INO80: variants seen among roughly 807,000 people sequenced by gnomAD.
INO80 encodes the protein chromatin-remodeling ATPase INO80.
INO80 carries 20 observed loss-of-function variants against 203.4 expected under a neutral mutation model. The ratio of observed to expected loss-of-function variants is 0.10; its 90% CI spans 0.07 to 0.14. The LOEUF is 0.14. Among genes scored for constraint, INO80 ranks in the 10% least tolerant of loss-of-function variants. INO80 has a pLI of 1.00. For missense variants in INO80, 1,419 were observed against 1,914.4 expected (o/e 0.74, Z 4.83); for synonymous variants, 726 against 685.2 (o/e 1.06, Z -0.93).
At chr15:41,031,392 AAG>A (rs2044459739) in intron 24 of INO80, among the ~76,000 whole-genome samples, 1 of 149,258 alleles carries the variant, frequency 6.7e-6, no homozygotes, top group South Asian at 2.2e-4. Context: ...TCATGAAAGA[AAG>A]AAAGAAGAAA....
chr15:41,062,285 T>A (rs1162233652), intron 14 of INO80, among the ~76,000 whole-genome samples: 1 of 151,950 alleles, frequency 6.6e-6, no homozygotes, highest in Non-Finnish European at 1.5e-5. Context: ...AGAAGGCAAG[T>A]TTTTCCCCCA....
Position 41,050,116 on chromosome 15 carries a change from A to C in INO80, c.2275-14T>G. On this transcript the variant is annotated splice_polypyrimidine_tract_variant and intron_variant, in intron 19 of 35. Transcript: ENST00000648947. ...TAGAATCTCAATCTAAAAATCAATA[A>C]GAACATTTATATTTGGAAAAGTAGT... The C allele has an allele frequency of 6.3e-7, 1 of 1,583,376 alleles. No homozygotes were observed. Among genetic ancestry groups the C allele is most frequent in the Non-Finnish European group, 8.6e-7 (1 of 1,157,334 alleles).
Position 40,982,891 on chromosome 15 carries a change from T to C in INO80, c.4424A>G (p.Tyr1475Cys), listed in dbSNP as rs377364363. 15 of 1,613,620 alleles carry C rather than the reference T, an allele frequency of 9.3e-6. No individual in the cohort carries two copies. Among genetic ancestry groups the C allele is most frequent in the African/African-American group, 4.0e-5 (3 of 74,936 alleles). ...AGAAAASAAA[Y>C]AAYGYNVSKG... ...AGACACGTTGTACCCGTATGCGGCA[T>C]AGGCAGCTGCAGAGGCCGCTGCAGC... is the stretch of plus-strand genomic sequence containing the variant. The change falls in exon 35 of 36, where the codon TAT becomes TGT. Residue 1475 changes from tyrosine (Y) to cysteine (C), a missense_variant. Physicochemically the swap from Tyr to Cys is radical, Grantham distance 194. Around this residue, in one of 9 missense-constraint regions of INO80, gnomAD observed 112 missense variants for 106.2 expected, o/e 1.05. Transcript: ENST00000648947.
chr15:40,988,259 C>T (rs2043768009), intron 29 of INO80, among the ~76,000 whole-genome samples: 1 of 151,990 alleles, frequency 6.6e-6, no homozygotes, highest in Non-Finnish European at 1.5e-5. Flanking sequence ...ATAACATTAA[C>T]GGTTAACACT....
chr15:40,980,758 G>C (rs1422414285), intron 35 of INO80, among the ~76,000 whole-genome samples: 1 of 152,170 alleles, frequency 6.6e-6, no homozygotes, highest in African/African-American at 2.4e-5. Flanking sequence ...CAAAGTTACA[G>C]GATGAGAGCT....
At chr15:41,099,920 A>G (rs2045782568) in intron 1 of INO80, among the ~76,000 whole-genome samples, 1 of 152,220 alleles carries the variant, frequency 6.6e-6, no homozygotes, top group African/African-American at 2.4e-5. Context: ...ATCTTGATAC[A>G]TGTATAAATG....
intron 9 of INO80, among the ~76,000 whole-genome samples, chr15:41,076,260 C>T (rs2045400554): frequency 6.6e-6 from 1 of 151,942 alleles, no homozygotes; most frequent in South Asian, 2.1e-4. Context: ...ACTTAGGAGG[C>T]TGAAGCAGGA....
chr15:41,018,795 A>T (rs2044247350), intron 26 of INO80: 1 of 152,204 alleles, frequency 6.6e-6, no homozygotes, highest in Non-Finnish European at 1.5e-5. Flanking sequence ...ACCTGTCGCT[A>T]AGCAGGATAC....
chr15:41,059,748 G>C, intron 15 of INO80, 119 bp downstream of exon 15: 2 of 600,904 alleles, frequency 3.3e-6, no homozygotes, highest in Non-Finnish European at 5.7e-6. Context: ...AACTTGATCA[G>C]TGTCCAGAAA....
intron 30 of INO80, 95 bp from the exon 31 acceptor site, chr15:40,987,288 C>A (rs918863101): frequency 2.9e-6 from 2 of 691,998 alleles, no homozygotes; most frequent in African/African-American, 3.6e-5. Flanking sequence ...ACCCACTCCT[C>A]AGGGGAGGCC....
chr15:41,038,600 C>T (rs1003651666), intron 24 of INO80, among the ~76,000 whole-genome samples: 2 of 152,156 alleles, frequency 1.3e-5, no homozygotes, highest in Admixed American at 6.6e-5. Flanking sequence ...CTCTTGAACT[C>T]TGGCTTTTTG....
chr15:40,999,097 A>G (rs182453190), intron 28 of INO80, among the ~76,000 whole-genome samples: 11 of 152,306 alleles, frequency 7.2e-5, no homozygotes, highest in Non-Finnish European at 1.5e-4. Context: ...AAAATATTCT[A>G]ATGCATTACA....
At chr15:41,111,808 A>G (rs994704861) in intron 1 of INO80, among the ~76,000 whole-genome samples, 3 of 151,470 alleles carry the variant, frequency 2.0e-5, no homozygotes, top group African/African-American at 7.3e-5. Context: ...TGTCTCAAGA[A>G]AAAAAAAAAC....
intron 9 of INO80, 22 bp from the exon 10 acceptor site, chr15:41,074,587 A>C (rs1251412874): frequency 6.5e-7 from 1 of 1,537,426 alleles, no homozygotes; most frequent in South Asian, 1.2e-5. Flanking sequence ...AAAAAGTGAA[A>C]ACAGAGCCAA....
chr15:41,048,364 C>T, intron 21 of INO80, 88 bp from the exon 22 acceptor site: 1 of 997,240 alleles, frequency 1.0e-6, no homozygotes, highest in Non-Finnish European at 1.5e-6. Flanking sequence ...CAAGTAAAAC[C>T]TTTTAGTTTT....
In INO80 at chr15:40,987,125, A is replaced by G. The variant is rs2043747130; in HGVS notation, c.3798T>C (p.Ser1266=). 1.2e-6 allele frequency: 2 copies of G among 1,613,118 alleles called. No homozygotes were observed. Among genetic ancestry groups the G allele is most frequent in the South Asian group, 2.2e-5 (2 of 91,068 alleles). Residue 1266 remains serine, a synonymous_variant, in exon 31 of 36, where the codon AGT becomes AGC. Transcript: ENST00000648947. Reference sequence around the variant, plus strand: ...CCAACTCTTCGTCGTCTAGAAGAAGACTAACCACCTCTTTGGGTTTCAAGG... The same window carrying G: ...CCAACTCTTCGTCGTCTAGAAGAAGGCTAACCACCTCTTTGGGTTTCAAGG... ...PDTLKPKEVV[S]LLLDDEELEK... is the part of the protein sequence containing the mutation.
chr15:41,044,134 G>T (rs906066273), intron 24 of INO80, among the ~76,000 whole-genome samples: 1 of 152,152 alleles, frequency 6.6e-6, no homozygotes, highest in East Asian at 1.9e-4. Flanking sequence ...TTAGAAAAAC[G>T]TTTGGCAAAA....
intron 8 of INO80, among the ~76,000 whole-genome samples, chr15:41,080,568 G>C (rs543991186): frequency 6.6e-6 from 1 of 152,122 alleles, no homozygotes; most frequent in Non-Finnish European, 1.5e-5. Context: ...TTAATAAACA[G>C]ATTGAGGCCG....
At chr15:41,040,173 C>G (rs1453367901) in intron 24 of INO80, among the ~76,000 whole-genome samples, 1 of 151,894 alleles carries the variant, frequency 6.6e-6, no homozygotes, top group African/African-American at 2.4e-5. Flanking sequence ...TAGTGAGACC[C>G]TGCTGCTACC....
Sources: gnomAD v4.1 joint callset for allele counts (sites outside exome capture counted in the v4.1 genomes callset) on GRCh38, gnomAD v4.1.1 for gene constraint, gnomAD v4.1.1 regional missense constraint, MANE v1.5 for transcripts, NCBI Gene and HGNC (gene_info 2026-07-23, HGNC 2026-07-21) for gene names.